Variants in CDC42BPG observed in about 807,000 individuals in gnomAD.
CDC42BPG encodes CDC42 binding protein kinase gamma.
Under a neutral mutation model 192.2 loss-of-function variants are expected in CDC42BPG, and 157 were observed. That is an observed-to-expected ratio of 0.82 (90% CI 0.72 to 0.93). The LOEUF (loss-of-function observed/expected upper bound fraction) is 0.93, where lower values mean the gene tolerates loss of function less well. CDC42BPG is among the 40% of genes least tolerant of loss of function. The pLI, the probability that CDC42BPG is intolerant of heterozygous loss-of-function variation, is 0.00. For synonymous variants in CDC42BPG, 981 were observed against 918.5 expected (o/e 1.07, Z -1.23); for missense variants, 1,992 against 2,122.1 (o/e 0.94, Z 1.20).
At chr11:64,827,425 G>A (rs563435029) in intron 32 of CDC42BPG, 27 bp from the exon 33 acceptor site, 3 of 1,609,160 alleles carry the variant, frequency 1.9e-6, no homozygotes, top group African/African-American at 1.3e-5. Flanking sequence ...GAGCTGGGCT[G>A]TGCTCACACA....
Position 64,831,803 on chromosome 11 carries a change from G to T in CDC42BPG, c.3088-82C>A, listed in dbSNP as rs887334379. ...CCTTCCTGCCTCCAGCAGCCGCTGT[G>T]CCCCGGGGGCCTAGCGTGCACTGTC... On this transcript the variant is annotated intron_variant, in intron 27 of 36. Transcript: ENST00000342711. 2.3e-6 allele frequency: 3 copies of T among 1,280,706 alleles called. No individual in the cohort carries two copies. The East Asian group carries it at 7.6e-5, about 32-fold the overall frequency. 79.3% of individuals were successfully genotyped at this position (1,280,706 alleles called of 1,614,324 possible).
intron 29 of CDC42BPG, 44 bp from the exon 30 acceptor site, chr11:64,830,114 A>G: frequency 6.2e-7 from 1 of 1,611,788 alleles, no homozygotes; most frequent in South Asian, 1.1e-5. Flanking sequence ...AGGTGGTTGA[A>G]GAGTGACCCA....
chr11:64,828,234 C>G (rs1283575023), intron 30 of CDC42BPG, among the ~76,000 whole-genome samples: 1 of 151,750 alleles, frequency 6.6e-6, no homozygotes, highest in African/African-American at 2.4e-5. Context: ...CAGCCCTTAC[C>G]CATCATGCTA....
chr11:64,838,160 C>A lies in CDC42BPG; in HGVS notation c.1128G>T (p.Gly376=), dbSNP rs774466506. 1.3e-6 allele frequency: 2 copies of A among 1,551,566 alleles called. No homozygotes were observed. The highest frequency in any genetic ancestry group is 1.7e-6 in the Non-Finnish European group (2 of 1,148,082). ...CCCCGTGGGAGGGCGGTGGCAGGGT[C>A]CCCTGCAGAGGGAGAGGGAAGGAGA... ...DVDDDTLNHP[G]TLPPPSHGAF... Residue 376 remains glycine, a splice_region_variant and synonymous_variant, in exon 9 of 37, where the codon GGG becomes GGT. Coordinates refer to ENST00000342711, the MANE Select transcript of CDC42BPG (RefSeq NM_017525.3).
Position 64,829,513 on chromosome 11 carries a change from GAGACTTGCGGCCTGCGCCATCCACGT to G in CDC42BPG, c.3899_3924del (p.Tyr1300SerfsTer33). 6.2e-7 allele frequency: 1 copy of G among 1,612,932 alleles called. No homozygotes were observed. Among genetic ancestry groups the G allele is most frequent in the South Asian group, 1.1e-5 (1 of 91,080 alleles). On this transcript the variant is annotated frameshift_variant, in exon 30 of 37. Coordinates refer to ENST00000342711, the MANE Select transcript of CDC42BPG (RefSeq NM_017525.3). LOFTEE classifies it high-confidence loss of function. ...GCTGGCCACAACAGCTCGTGGCCAC[GAGACTTGCGGCCTGCGCCATCCACGT>G]AGATGCCAGCAGTGGTGAAGAGTAG...
At position 64,829,881 on chromosome 11, in the gene CDC42BPG, C is replaced by T. The variant is rs753626874; in HGVS notation, c.3557G>A (p.Ser1186Asn). The T allele has an allele frequency of 2.5e-6, 4 of 1,608,644 alleles. No individual in the cohort carries two copies. The South Asian group carries it at 3.3e-5, about 13-fold the overall frequency. Residue 1186 changes from serine to asparagine, a missense_variant, in exon 30 of 37, where the codon AGC becomes AAC. Physicochemically the swap from Ser to Asn is conservative, Grantham distance 46 (BLOSUM62 1). Transcript: ENST00000342711. ...SRGCQVLAAG[S>N]ILQARTPVLC... The stretch of plus-strand genomic sequence containing the variant: ...CACCGGGGTGCGGGCCTGCAGGATG[C>T]TTCCAGCTGCCAGCACCTGGCAGCC...
chr11:64,837,585 C>T (rs545244619), intron 9 of CDC42BPG, among the ~76,000 whole-genome samples: 1 of 152,378 alleles, frequency 6.6e-6, no homozygotes, highest in South Asian at 2.1e-4. Context: ...CCTCAGCCTC[C>T]CAAGTAGCTG....
chr11:64,843,306 TGTGTGTGCAAACACACACAC>T (rs1010479844), intron 1 of CDC42BPG, among the ~76,000 whole-genome samples: 7 of 151,962 alleles, frequency 4.6e-5, no homozygotes, highest in African/African-American at 1.7e-4. Flanking sequence ...GGAGCACACA[TGTGTGTGCAAACACACACAC>T]GTGTGTGGGT....
rs199742205 is a variant in CDC42BPG at position 64,835,610 on chromosome 11, T to C, written c.1770A>G (p.Thr590=). Reference sequence around the variant, plus strand: ...GTCCCATCCCGTTGGTCTCAGAGGCTGTGTGGATGGTCTTGGGGACATGGA... The same window carrying C: ...GTCCCATCCCGTTGGTCTCAGAGGCCGTGTGGATGGTCTTGGGGACATGGA... ...EESSQAKTIH[T]ASETNGMGPP... is the part of the protein sequence containing the mutation. The change falls in exon 15 of 37, where the codon ACA becomes ACG. Residue 590 remains threonine (T), a synonymous_variant. Transcript: ENST00000342711. 2 of 1,568,812 alleles carry C rather than the reference T, an allele frequency of 1.3e-6. No homozygotes were observed. The highest frequency in any genetic ancestry group is 2.7e-5 in the African/African-American group (2 of 74,150).
chr11:64,828,238 C>A (rs1217611306), intron 30 of CDC42BPG, among the ~76,000 whole-genome samples: 1 of 151,386 alleles, frequency 6.6e-6, no homozygotes, highest in Admixed American at 6.6e-5. Flanking sequence ...CCTTACCCAT[C>A]ATGCTAGTTA....
rs1942702882 is a variant in CDC42BPG, at chr11:64,831,737, C to T, written c.3088-16G>A. 6.4e-7 allele frequency: 1 copy of T among 1,571,376 alleles called. No homozygotes were observed. Among genetic ancestry groups the T allele is most frequent in the Admixed American group, 1.8e-5 (1 of 54,964 alleles). On this transcript the variant is annotated splice_polypyrimidine_tract_variant and intron_variant, in intron 27 of 36. Transcript: ENST00000342711. ...AGGTTGTCACCTGTGGGCAAGGACC[C>T]CAGCTGGAGGGCCGTGGACCAGAGC...
At chr11:64,827,809 G>T (rs779353706) in intron 30 of CDC42BPG, 26 bp from the exon 31 acceptor site, 3 of 1,570,230 alleles carry the variant, frequency 1.9e-6, no homozygotes, top group Non-Finnish European at 2.6e-6. Context: ...GCACCTCTGA[G>T]CTGTTTCCCC....
rs770666812 is a variant in CDC42BPG, at chr11:64,837,042, T to C, written c.1206-23A>G. 6.9e-6 allele frequency: 11 copies of C among 1,588,558 alleles called. No individual in the cohort carries two copies. In the East Asian group the frequency reaches 2.5e-4, roughly 35 times the overall value. ...TGACTGTAGGGGGACAGGGGCCATG[T>C]TTGTTGGTAGAAACCTCACCCCACA... On this transcript the variant is annotated intron_variant, in intron 9 of 36. Transcript: ENST00000342711.
At chr11:64,832,558 C>G in intron 26 of CDC42BPG, 46 bp downstream of exon 26, 2 of 1,613,916 alleles carry the variant, frequency 1.2e-6, no homozygotes, top group South Asian at 1.1e-5. Flanking sequence ...CCTGACTGCC[C>G]CCCTTACCAC....
At position 64,827,590 on chromosome 11, in the gene CDC42BPG, C is replaced by T. The variant is rs771345149; in HGVS notation, c.4087G>A (p.Gly1363Ser). ...LKKVRPLNPE[G>S]SLFLYGTEKV... ...TCGGTGCCGTAGAGGAACAGGGAGC[C>T]CTCTGGATTGAGGGGCCGCACCTGA... The change falls in exon 32 of 37, where the codon GGC becomes AGC. Residue 1363 changes from glycine (G) to serine (S), a missense_variant. Physicochemically the swap from Gly to Ser is moderately conservative, Grantham distance 56. This residue lies in a region of CDC42BPG where 336 missense variants were observed against 277.9 expected (regional missense o/e 1.21). Coordinates refer to ENST00000342711, the MANE Select transcript of CDC42BPG (RefSeq NM_017525.3). 1 of 1,611,958 alleles carries T rather than the reference C, an allele frequency of 6.2e-7. No homozygotes were observed. The highest frequency in any genetic ancestry group is 1.1e-5 in the South Asian group (1 of 90,906).
chr11:64,838,051 C>G (rs1433108018), intron 9 of CDC42BPG, 32 bp downstream of exon 9: 1 of 1,540,866 alleles, frequency 6.5e-7, no homozygotes, highest in East Asian at 2.4e-5. Flanking sequence ...CAACCCCGAG[C>G]CTCCCACCAG....
Position 64,833,833 on chromosome 11 carries a change from C to G in CDC42BPG, c.2470G>C (p.Asp824His), listed in dbSNP as rs1942833044. The change falls in exon 22 of 37, where the codon GAT (aspartate) becomes CAT (histidine). Residue 824 changes from aspartate (D) to histidine (H), a missense_variant. Coordinates refer to ENST00000342711, the MANE Select transcript of CDC42BPG (RefSeq NM_017525.3). Reference protein sequence around the residue: ...PFLSFRSSEKDSAKDPGISGE... With the variant: ...PFLSFRSSEKHSAKDPGISGE... ...GAGATGCCAGGGTCCTTGGCAGAAT[C>G]CTTCTGGGGGTGGGAGAGAGAGGAG... 1 of 1,614,264 alleles carries G rather than the reference C, an allele frequency of 6.2e-7. No homozygotes were observed. The highest frequency in any genetic ancestry group is 8.5e-7 in the Non-Finnish European group (1 of 1,180,046).
chr11:64,836,723 T>TGGGG lies in CDC42BPG; in HGVS notation c.1384+15_1384+16insCCCC. ...CTCAGCCCTGGGGGGGGGGGGGGGG[T>TGGGG]GGGCGGAAGGGATACCTGGCAGCCT... is the stretch of plus-strand genomic sequence containing the variant. On this transcript the variant is annotated intron_variant, in intron 11 of 36. Coordinates refer to ENST00000342711, the MANE Select transcript of CDC42BPG (RefSeq NM_017525.3). The TGGGG allele has an allele frequency of 7.9e-6, 3 of 379,140 alleles. No individual in the cohort carries two copies. The highest frequency in any genetic ancestry group is 2.7e-5 in the South Asian group (1 of 36,936). 23.5% of individuals were successfully genotyped at this position (379,140 alleles called of 1,614,324 possible). A position where few individuals can be genotyped will look rare whatever the true frequency, so the allele number is the denominator to read the frequency against.
chr11:64,827,443 G>A, intron 32 of CDC42BPG, 45 bp from the exon 33 acceptor site: 1 of 1,604,960 alleles, frequency 6.2e-7, no homozygotes, highest in South Asian at 1.1e-5. Context: ...ACATTCCCGG[G>A]GCCCAGTCAG....
Sources: gnomAD v4.1 joint callset for allele counts (sites outside exome capture counted in the v4.1 genomes callset) on GRCh38, gnomAD v4.1.1 for gene constraint, gnomAD v4.1.1 regional missense constraint, MANE v1.5 for transcripts, NCBI Gene and HGNC (gene_info 2026-07-23, HGNC 2026-07-21) for gene names.